The following DGKH variants were observed in gnomAD, a reference collection of about 807,000 sequenced individuals.
The protein encoded by DGKH is diacylglycerol kinase eta.
DGKH carries 90 observed loss-of-function variants against 159.3 expected under a neutral mutation model. That is an observed-to-expected ratio of 0.57 (90% CI 0.48 to 0.67). The LOEUF (loss-of-function observed/expected upper bound fraction) is 0.67. Among genes scored for constraint, DGKH ranks in the 30% least tolerant of loss-of-function variants. DGKH has a pLI of 0.00. For synonymous variants in DGKH, 536 were observed against 553.8 expected, an observed-to-expected ratio of 0.97 and a Z score of 0.45; for missense variants, 1,181 against 1,506.1, an observed-to-expected ratio of 0.78 and a Z score of 3.57.
At chr13:42,168,903 A>G (rs1956374344) in intron 11 of DGKH, 85 bp downstream of exon 11, 2 of 1,399,462 alleles carry the variant, frequency 1.4e-6, no homozygotes, top group Middle Eastern at 2.6e-4. Flanking sequence ...AATATTTATT[A>G]ATAAATTTTA....
chr13:42,104,643 G>T (rs1381406728), intron 1 of DGKH, among the ~76,000 whole-genome samples: 3 of 152,212 alleles, frequency 2.0e-5, no homozygotes, highest in Non-Finnish European at 2.9e-5. Flanking sequence ...TGCTAGGGAG[G>T]TCAGGAAATG....
chr13:42,190,440 T>A lies in DGKH; in HGVS notation c.1950T>A (p.Ala650=). Residue 650 remains alanine, a synonymous_variant, in exon 16 of 30, where the codon GCT becomes GCA. Transcript: ENST00000337343. ...CGACAGTTCACCCCTGTGAACCAGC[T>A]AATCAGTCCTCTGATTATGACAGCA... is the stretch of plus-strand genomic sequence containing the variant. ...DDPTVHPCEP[A]NQSSDYDSTE... 1 of 1,610,920 alleles carries A rather than the reference T, an allele frequency of 6.2e-7. No homozygotes were observed. Among genetic ancestry groups the A allele is most frequent in the Non-Finnish European group, 8.5e-7 (1 of 1,178,844 alleles).
intron 1 of DGKH, among the ~76,000 whole-genome samples, chr13:42,085,179 T>A (rs142263840): frequency 6.6e-6 from 1 of 152,268 alleles, no homozygotes. Context: ...TGGGGGATAC[T>A]GACCAATGCA....
rs150202879 is a variant in DGKH, at chr13:42,144,002, A to G, written c.385-11289A>G. Among the ~76,000 whole-genome samples, 540 of 151,436 alleles carry G rather than the reference A, an allele frequency of 3.6e-3. 7 individuals are homozygous for G. The East Asian group carries it at 0.046, about 13-fold the overall frequency. On this transcript the variant is annotated intron_variant, in intron 3 of 29. Transcript: ENST00000337343. ...AGCTAGCAGAAGGCAAGAAATAACTAAAAAAAATTATTTTAATTCCCACTA... is the reference window on the plus strand; with the variant it reads ...AGCTAGCAGAAGGCAAGAAATAACTGAAAAAAATTATTTTAATTCCCACTA...
At chr13:42,221,187 T>C in intron 28 of DGKH, 77 bp from the exon 29 acceptor site, 1 of 1,567,810 alleles carries the variant, frequency 6.4e-7, no homozygotes, top group Non-Finnish European at 8.6e-7. Context: ...CTGTTTTGCA[T>C]CTTCTTTGGC....
At chr13:42,184,968 T>C (rs1956877047) in intron 13 of DGKH, among the ~76,000 whole-genome samples, 3 of 152,160 alleles carry the variant, frequency 2.0e-5, no homozygotes, top group Non-Finnish European at 4.4e-5. Flanking sequence ...ATCTGCATTC[T>C]ACTTTCATTT....
At chr13:42,070,383 A>C (rs1882880526) in intron 1 of DGKH, 27 of 1,424,482 alleles carry the variant, frequency 1.9e-5, no homozygotes, top group South Asian at 2.3e-5. Flanking sequence ...GTTCAAGTTC[A>C]TGTGCACCTG....
intron 1 of DGKH, among the ~76,000 whole-genome samples, chr13:42,118,435 G>A (rs1955003717): frequency 6.6e-6 from 1 of 152,200 alleles, no homozygotes; most frequent in South Asian, 2.1e-4. Context: ...CTAATGCCAT[G>A]GATGGTGATG....
chr13:42,088,889 A>G (rs1954359692), intron 1 of DGKH, among the ~76,000 whole-genome samples: 1 of 152,200 alleles, frequency 6.6e-6, no homozygotes, highest in South Asian at 2.1e-4. Context: ...AAATACAAAG[A>G]TACAGATGTT....
intron 1 of DGKH, among the ~76,000 whole-genome samples, chr13:42,091,131 T>C (rs1307064202): frequency 6.6e-6 from 1 of 152,190 alleles, no homozygotes; most frequent in Non-Finnish European, 1.5e-5. Flanking sequence ...CATTACATTA[T>C]ATGCAAAAAT....
intron 1 of DGKH, among the ~76,000 whole-genome samples, chr13:42,074,560 A>G (rs1883177900): frequency 6.6e-6 from 1 of 152,210 alleles, no homozygotes; most frequent in South Asian, 2.1e-4. Flanking sequence ...CCCTTGCCCT[A>G]CCTTGGCATA....
intron 1 of DGKH, among the ~76,000 whole-genome samples, chr13:42,081,706 C>T (rs1055570174): frequency 9.9e-5 from 15 of 152,114 alleles, no homozygotes; most frequent in Non-Finnish European, 2.2e-4. Context: ...CTGATATGTC[C>T]CCAGCATTCT....
In DGKH at chr13:42,210,715, G is replaced by A; in HGVS notation, c.2964G>A (p.Glu988=). The part of the protein sequence containing the change: ...IHHAIDLATE[E]VSQMQLCSQA... The stretch of plus-strand genomic sequence containing the variant: ...ACGCCATTGACTTGGCAACAGAAGA[G>A]GTGTCGCAGATGCAGCTATGCTCCC... Residue 988 remains glutamate, a synonymous_variant, in exon 24 of 30, where the codon GAG becomes GAA. Coordinates refer to ENST00000337343, the MANE Select transcript of DGKH (RefSeq NM_178009.5). 1 of 1,612,394 alleles carries A rather than the reference G, an allele frequency of 6.2e-7. No homozygotes were observed. Among genetic ancestry groups the A allele is most frequent in the South Asian group, 1.1e-5 (1 of 91,004 alleles).
At chr13:42,226,809 A>G (rs1958144303) in intron 29 of DGKH, among the ~76,000 whole-genome samples, 1 of 151,660 alleles carries the variant, frequency 6.6e-6, no homozygotes, top group Non-Finnish European at 1.5e-5. Flanking sequence ...GTGAGCCGAG[A>G]TCACGCCATT....
chr13:42,120,377 A>C, intron 1 of DGKH, among the ~76,000 whole-genome samples: 1 of 152,350 alleles, frequency 6.6e-6, no homozygotes, highest in East Asian at 1.9e-4. Context: ...TATATCTTCA[A>C]AAATAAAATT....
At chr13:42,099,829 T>C (rs1428184696) in intron 1 of DGKH, among the ~76,000 whole-genome samples, 1 of 152,114 alleles carries the variant, frequency 6.6e-6, no homozygotes. Context: ...AAGCTGGGGT[T>C]GAAGGATGTT....
Position 42,121,021 on chromosome 13 carries a change from T to C in DGKH, c.193-6442T>C, listed in dbSNP as rs544537886. On this transcript the variant is annotated intron_variant, in intron 1 of 29. Transcript: ENST00000337343. ...GTAGTTTGTTTATGAACTGGTTGTT[T>C]GGAACTTAGACCACATTTTTCTATG... Among the ~76,000 whole-genome samples the C allele has an allele frequency of 2.2e-4, 34 of 151,404 alleles. 1 individual carries two copies. The South Asian group carries it at 7.1e-3, about 31-fold the overall frequency.
chr13:42,186,922 G>T (rs957573144), intron 13 of DGKH, 127 bp from the exon 14 acceptor site: 5 of 752,662 alleles, frequency 6.6e-6, no homozygotes, highest in South Asian at 5.5e-5. Flanking sequence ...TAGAAGCATA[G>T]ATTTATATAC....
chr13:42,218,981 G>T (rs1201995880), intron 26 of DGKH, among the ~76,000 whole-genome samples: 2 of 152,138 alleles, frequency 1.3e-5, no homozygotes, highest in African/African-American at 4.8e-5. Context: ...CTTTTTCTAT[G>T]AAGTTATTAA....
Sources: gnomAD v4.1 joint callset for allele counts (sites outside exome capture counted in the v4.1 genomes callset) on GRCh38, gnomAD v4.1.1 for gene constraint, MANE v1.5 for transcripts, NCBI Gene and HGNC (gene_info 2026-07-23, HGNC 2026-07-21) for gene names.